GRID1: variants seen among roughly 807,000 people sequenced by gnomAD.
GRID1 encodes glutamate receptor ionotropic, delta-1.
GRID1 carries 28 observed loss-of-function variants against 98.0 expected under a neutral mutation model. The ratio of observed to expected loss-of-function variants is 0.29; its 90% confidence interval spans 0.21 to 0.39. The LOEUF (loss-of-function observed/expected upper bound fraction) is 0.39. Among genes scored for constraint, GRID1 ranks in the 10% least tolerant of loss-of-function variants. The pLI is 1.00. For synonymous variants in GRID1, 553 were observed against 538.5 expected, an observed-to-expected ratio of 1.03 and a Z score of -0.37; for missense variants, 1,111 against 1,340.5, an observed-to-expected ratio of 0.83 and a Z score of 2.67.
At chr10:85,854,272 C>G (rs1353817448) in intron 8 of GRID1, among the ~76,000 whole-genome samples, 1 of 152,218 alleles carries the variant, frequency 6.6e-6, no homozygotes, top group Admixed American at 6.5e-5. Flanking sequence ...CTGCTCTACT[C>G]AAAGAGACTC....
intron 2 of GRID1, among the ~76,000 whole-genome samples, chr10:86,213,380 T>C (rs749568984): frequency 7.9e-5 from 12 of 152,042 alleles, no homozygotes; most frequent in Non-Finnish European, 1.3e-4. Context: ...TCCCCGTTCT[T>C]CTTGAACCAC....
intron 4 of GRID1, among the ~76,000 whole-genome samples, chr10:86,104,912 C>T (rs1844358684): frequency 6.6e-6 from 1 of 152,224 alleles, no homozygotes; most frequent in South Asian, 2.1e-4. Flanking sequence ...GCATTGAGAG[C>T]AGGAAGCCAG....
At chr10:86,119,635 T>C (rs1844637002) in intron 4 of GRID1, among the ~76,000 whole-genome samples, 1 of 152,196 alleles carries the variant, frequency 6.6e-6, no homozygotes. Flanking sequence ...AGCTCGATGT[T>C]ATGTTGACGC....
chr10:86,252,278 C>T (rs1425546737), intron 2 of GRID1, among the ~76,000 whole-genome samples: 3 of 152,206 alleles, frequency 2.0e-5, no homozygotes, highest in African/African-American at 7.2e-5. Context: ...GCAGTGTCTT[C>T]CTTCAGCCTC....
At chr10:86,350,127 T>C (rs1375415249) in intron 2 of GRID1, among the ~76,000 whole-genome samples, 1 of 152,076 alleles carries the variant, frequency 6.6e-6, no homozygotes, top group Non-Finnish European at 1.5e-5. Flanking sequence ...CATGCTTGGG[T>C]TGTTGGAGAG....
At chr10:85,991,265 T>C (rs1445381267) in intron 4 of GRID1, among the ~76,000 whole-genome samples, 2 of 152,070 alleles carry the variant, frequency 1.3e-5, no homozygotes, top group Admixed American at 6.5e-5. Context: ...TATTTTGGAC[T>C]CAAGCAACCA....
At chr10:86,187,491 T>C (rs1845741624) in intron 3 of GRID1, among the ~76,000 whole-genome samples, 1 of 152,068 alleles carries the variant, frequency 6.6e-6, no homozygotes, top group Non-Finnish European at 1.5e-5. Flanking sequence ...AATTACACTA[T>C]CCTCCCAGGG....
At position 85,672,501 on chromosome 10, in the gene GRID1, T is replaced by C. The variant is rs139589558; in HGVS notation, c.1998-25104A>G. 4.3e-3 allele frequency among the ~76,000 whole-genome samples: 655 copies of C among 152,190 alleles called. 5 individuals carry two copies. Among genetic ancestry groups the C allele is most frequent in the African/African-American group, 0.014 (579 of 41,528 alleles). ...TTTTGTATTTTCAGTTGAGATTGGG[T>C]TTCACCATGTTGGTCAGGATGGTCT... On this transcript the variant is annotated intron_variant, in intron 12 of 15. Transcript: ENST00000327946.
chr10:86,104,470 C>A (rs562739850), intron 4 of GRID1, among the ~76,000 whole-genome samples: 1 of 152,216 alleles, frequency 6.6e-6, no homozygotes, highest in South Asian at 2.1e-4. Flanking sequence ...AAGGTCCCTG[C>A]TGCAAGGATG....
intron 4 of GRID1, among the ~76,000 whole-genome samples, chr10:86,107,925 C>T (rs539941722): frequency 6.6e-6 from 1 of 152,196 alleles, no homozygotes; most frequent in East Asian, 1.9e-4. Context: ...CTCAATAAAA[C>T]CTTGCACTCA....
At chr10:86,107,720 C>T (rs968402319) in intron 4 of GRID1, among the ~76,000 whole-genome samples, 2 of 152,194 alleles carry the variant, frequency 1.3e-5, no homozygotes, top group Non-Finnish European at 2.9e-5. Flanking sequence ...AGCTCATCAT[C>T]GGGGGAACAC....
chr10:86,285,732 G>A (rs556480297), intron 2 of GRID1, among the ~76,000 whole-genome samples: 1 of 152,320 alleles, frequency 6.6e-6, no homozygotes, highest in East Asian at 1.9e-4. Flanking sequence ...TTAGATGTAG[G>A]AATAGGAATA....
intron 4 of GRID1, among the ~76,000 whole-genome samples, chr10:85,984,820 G>T (rs1842589701): frequency 6.6e-6 from 1 of 152,066 alleles, no homozygotes. Flanking sequence ...AAACCATGGG[G>T]CACTGGAGCA....
chr10:85,762,305 A>C (rs1842154984), intron 8 of GRID1, among the ~76,000 whole-genome samples: 1 of 152,384 alleles, frequency 6.6e-6, no homozygotes, highest in South Asian at 2.1e-4. Flanking sequence ...TAATCCTCAG[A>C]GCTTCCAAAC....
chr10:86,022,842 C>A (rs1843067298), intron 4 of GRID1, among the ~76,000 whole-genome samples: 1 of 151,136 alleles, frequency 6.6e-6, no homozygotes, highest in African/African-American at 2.4e-5. Flanking sequence ...TGCTTGAACC[C>A]AGGAGGTGGA....
At chr10:86,109,886 C>T (rs1844450151) in intron 4 of GRID1, among the ~76,000 whole-genome samples, 1 of 151,900 alleles carries the variant, frequency 6.6e-6, no homozygotes, top group African/African-American at 2.4e-5. Context: ...TCCTCAGTTA[C>T]AGCACTCCTC....
At chr10:85,623,635 T>A (rs1489625441) in intron 13 of GRID1, among the ~76,000 whole-genome samples, 4 of 152,126 alleles carry the variant, frequency 2.6e-5, no homozygotes, top group Admixed American at 2.0e-4. Context: ...TTCACCCTCC[T>A]CCTTCCTTGA....
chr10:86,249,010 T>G (rs1319350672), intron 2 of GRID1, among the ~76,000 whole-genome samples: 1 of 152,182 alleles, frequency 6.6e-6, no homozygotes, highest in Non-Finnish European at 1.5e-5. Context: ...GCCTGTCTGA[T>G]AGCTGCCTCC....
rs73330558 is a variant in GRID1 at position 85,820,576 on chromosome 10, C to T, written c.1233+33920G>A. On this transcript the variant is annotated intron_variant, in intron 8 of 15. Coordinates refer to ENST00000327946, the MANE Select transcript of GRID1 (RefSeq NM_017551.3). Reference sequence around the variant, plus strand: ...TATTCCAAGGTTAATTTCCCAGATTCGATATATTTATAATTATTGTGTGAG... The same window carrying T: ...TATTCCAAGGTTAATTTCCCAGATTTGATATATTTATAATTATTGTGTGAG... 5.9e-3 allele frequency among the ~76,000 whole-genome samples: 904 copies of T among 151,944 alleles called. 8 individuals are homozygous for T. Among genetic ancestry groups the T allele is most frequent in the African/African-American group, 0.02 (821 of 41,422 alleles).
Sources: gnomAD v4.1 joint callset for allele counts (sites outside exome capture counted in the v4.1 genomes callset) on GRCh38, gnomAD v4.1.1 for gene constraint, MANE v1.5 for transcripts, NCBI Gene and HGNC (gene_info 2026-07-23, HGNC 2026-07-21) for gene names.